Variants in KHDRBS2 observed in about 807,000 individuals in gnomAD.
KHDRBS2 encodes KH RNA binding domain containing, signal transduction associated 2, also known as KH domain-containing, RNA-binding, signal transduction-associated protein 2.
Under a neutral mutation model 44.3 loss-of-function variants are expected in KHDRBS2, and 26 were observed. The observed-to-expected ratio is 0.59, with a 90% confidence interval of 0.43 to 0.81. KHDRBS2 has a LOEUF of 0.81. Ranked by LOEUF, KHDRBS2 falls within the 40% of genes least tolerant of loss-of-function variation. The probability of loss-of-function intolerance (pLI) is 0.00; values close to 1 mark genes in which losing one functional copy is unlikely to be tolerated. For synonymous variants in KHDRBS2, 194 were observed against 151.1 expected (o/e 1.28, Z -2.08); for missense variants, 476 against 433.1 (o/e 1.10, Z -0.88).
In KHDRBS2 at chr6:61,919,433, G is replaced by T. The variant is rs186247693; in HGVS notation, c.484-18062C>A. ...GTATAGTCATTTGTAGGCACATTGGGAATCGACTGTGCAGAGCTTGATGAG... is the reference window on the plus strand; with the variant it reads ...GTATAGTCATTTGTAGGCACATTGGTAATCGACTGTGCAGAGCTTGATGAG... On this transcript the variant is annotated intron_variant, in intron 4 of 8. Coordinates refer to ENST00000281156, the MANE Select transcript of KHDRBS2 (RefSeq NM_152688.4). 5.1e-4 allele frequency among the ~76,000 whole-genome samples: 78 copies of T among 151,820 alleles called. 3 individuals are homozygous for T. Among genetic ancestry groups the T allele is most frequent in the Admixed American group, 4.1e-3 (62 of 15,174 alleles).
chr6:61,715,642 T>G (rs1041048307), intron 7 of KHDRBS2, among the ~76,000 whole-genome samples: 9 of 151,984 alleles, frequency 5.9e-5, no homozygotes, highest in Non-Finnish European at 1.0e-4. Context: ...TGCTCCCTCA[T>G]GTCCTCTAAC....
At chr6:62,102,488 G>A (rs553713095) in intron 2 of KHDRBS2, among the ~76,000 whole-genome samples, 26 of 152,282 alleles carry the variant, frequency 1.7e-4, no homozygotes, top group Admixed American at 1.5e-3. Flanking sequence ...GGGGAGCCCC[G>A]AGGTCTCGGC....
At chr6:62,113,713 A>G (rs1290784386) in intron 2 of KHDRBS2, among the ~76,000 whole-genome samples, 1 of 152,130 alleles carries the variant, frequency 6.6e-6, no homozygotes, top group Non-Finnish European at 1.5e-5. Context: ...AGAAGAGGAA[A>G]ATTAACTGAC....
intron 7 of KHDRBS2, among the ~76,000 whole-genome samples, chr6:61,724,776 T>C (rs1234651667): frequency 6.6e-6 from 1 of 152,168 alleles, no homozygotes; most frequent in Admixed American, 6.6e-5. Flanking sequence ...TAAATATATA[T>C]GCACCCAATA....
intron 4 of KHDRBS2, among the ~76,000 whole-genome samples, chr6:61,916,355 A>T (rs977182731): frequency 2.6e-5 from 4 of 152,032 alleles, no homozygotes; most frequent in African/African-American, 9.7e-5. Flanking sequence ...TTGGGACTCC[A>T]CCCAAACTTT....
At chr6:62,074,666 A>T (rs1215843543) in intron 2 of KHDRBS2, among the ~76,000 whole-genome samples, 2 of 151,940 alleles carry the variant, frequency 1.3e-5, no homozygotes, top group East Asian at 3.9e-4. Flanking sequence ...TATATATGTT[A>T]TCATGGCTAA....
intron 1 of KHDRBS2, among the ~76,000 whole-genome samples, chr6:62,245,478 G>T (rs371376771): frequency 1.1e-4 from 17 of 152,022 alleles, no homozygotes; most frequent in African/African-American, 3.9e-4. Flanking sequence ...TCTACTTCAA[G>T]CAATTTTAGT....
chr6:62,170,328 G>A (rs770380314), intron 2 of KHDRBS2, among the ~76,000 whole-genome samples: 4 of 151,986 alleles, frequency 2.6e-5, no homozygotes, highest in East Asian at 3.9e-4. Flanking sequence ...GACCACTGCC[G>A]CTACCTGAGA....
chr6:62,022,513 A>G (rs1782537515), intron 3 of KHDRBS2, among the ~76,000 whole-genome samples: 1 of 151,780 alleles, frequency 6.6e-6, no homozygotes, highest in Admixed American at 6.6e-5. Context: ...TGGGCAAATT[A>G]TTTGTGTACT....
intron 2 of KHDRBS2, among the ~76,000 whole-genome samples, chr6:62,165,056 G>A (rs1467921106): frequency 1.3e-5 from 2 of 151,666 alleles, no homozygotes; most frequent in Non-Finnish European, 3.0e-5. Context: ...TATACATTTA[G>A]AATTTTCTTT....
intron 8 of KHDRBS2, among the ~76,000 whole-genome samples, chr6:61,682,125 C>G (rs374205123): frequency 1.1e-3 from 165 of 151,908 alleles, no homozygotes; most frequent in African/African-American, 3.9e-3. Context: ...GCATTTGCCC[C>G]CAGATAGTTC....
chr6:62,070,359 T>C (rs979498222), intron 2 of KHDRBS2, among the ~76,000 whole-genome samples: 3 of 152,012 alleles, frequency 2.0e-5, no homozygotes, highest in African/African-American at 7.2e-5. Flanking sequence ...TTTATTATAC[T>C]TTAAGTTTTA....
intron 1 of KHDRBS2, among the ~76,000 whole-genome samples, chr6:62,243,938 T>A (rs62414795): frequency 4.6e-5 from 7 of 152,178 alleles, no homozygotes; most frequent in Non-Finnish European, 8.8e-5. Flanking sequence ...CTATTAGATT[T>A]TAATGTCTTT....
At chr6:61,544,481 G>T in the KHDRBS2 span, among the ~76,000 whole-genome samples, 1 of 151,880 alleles carries the variant, frequency 6.6e-6, no homozygotes, top group East Asian at 1.9e-4. Context: ...ATAGCAAATA[G>T]CAAATAAATA....
chr6:61,718,886 G>A (rs1771878845), intron 7 of KHDRBS2, among the ~76,000 whole-genome samples: 1 of 152,134 alleles, frequency 6.6e-6, no homozygotes, highest in Non-Finnish European at 1.5e-5. Flanking sequence ...TAATTTAGGA[G>A]TCTAATTCCC....
the KHDRBS2 span, among the ~76,000 whole-genome samples, chr6:61,581,553 T>C: frequency 2.1e-5 from 3 of 145,878 alleles, no homozygotes; most frequent in East Asian, 5.9e-4. Flanking sequence ...CAATATACAA[T>C]ACACAATATA....
chr6:61,624,955 G>T, the KHDRBS2 span, among the ~76,000 whole-genome samples: 4 of 152,152 alleles, frequency 2.6e-5, no homozygotes. Flanking sequence ...CTGCTCCTGG[G>T]AGTGTTAAAC....
intron 6 of KHDRBS2, among the ~76,000 whole-genome samples, chr6:61,811,378 T>A (rs1193614221): frequency 6.6e-6 from 1 of 152,182 alleles, no homozygotes; most frequent in East Asian, 1.9e-4. Context: ...TTATTCCATG[T>A]CTTTGCTATT....
At chr6:62,051,887 T>C (rs1427638575) in intron 2 of KHDRBS2, among the ~76,000 whole-genome samples, 2 of 151,992 alleles carry the variant, frequency 1.3e-5, no homozygotes, top group African/African-American at 4.8e-5. Flanking sequence ...ATGCTCAACA[T>C]CATTAATCAT....
Sources: allele counts gnomAD v4.1 joint callset (sites outside exome capture counted in the v4.1 genomes callset), GRCh38; gene constraint gnomAD v4.1.1; transcripts MANE v1.5; gene names NCBI Gene and HGNC (gene_info 2026-07-23, HGNC 2026-07-21).